The following LRRC4C variants were observed in gnomAD, a reference collection of about 807,000 sequenced individuals.
LRRC4C encodes the protein leucine-rich repeat-containing protein 4C.
Under a neutral mutation model 33.6 loss-of-function variants are expected in LRRC4C, and 5 were observed. That is an observed-to-expected ratio of 0.15 (90% confidence interval 0.08 to 0.31). The LOEUF (loss-of-function observed/expected upper bound fraction) is 0.31, where lower values mean the gene tolerates loss of function less well. Ranked by LOEUF, LRRC4C falls within the 10% of genes least tolerant of loss-of-function variation. LRRC4C has a pLI of 1.00. For synonymous variants in LRRC4C, 329 were observed against 302.0 expected, an observed-to-expected ratio of 1.09 and a Z score of -0.93; for missense variants, 560 against 796.7, an observed-to-expected ratio of 0.70 and a Z score of 3.58.
At chr11:40,205,092 A>G (rs1304262811) in intron 5 of LRRC4C, among the ~76,000 whole-genome samples, 1 of 152,200 alleles carries the variant, frequency 6.6e-6, no homozygotes, top group Non-Finnish European at 1.5e-5. Flanking sequence ...TCTCTGCTCC[A>G]GGTTAAACCT....
chr11:41,118,817 C>G lies in LRRC4C; in HGVS notation c.-495-185094G>C, dbSNP rs116588025. 8.8e-4 allele frequency among the ~76,000 whole-genome samples: 134 copies of G among 152,230 alleles called. 1 individual carries two copies. The highest frequency in any genetic ancestry group is 1.2e-3 in the Non-Finnish European group (84 of 68,010). ...CAATAAATAGCCCTGTGGAACTTATCACTCATTATAAGGATCACCATCAAG... is the reference window on the plus strand; with the variant it reads ...CAATAAATAGCCCTGTGGAACTTATGACTCATTATAAGGATCACCATCAAG... On this transcript the variant is annotated intron_variant, in intron 1 of 6. Coordinates refer to ENST00000528697, the MANE Select transcript of LRRC4C (RefSeq NM_001258419.2).
chr11:40,503,533 A>G (rs988233877), intron 3 of LRRC4C, among the ~76,000 whole-genome samples: 1 of 152,182 alleles, frequency 6.6e-6, no homozygotes, highest in Non-Finnish European at 1.5e-5. Flanking sequence ...ATTCTTAGAT[A>G]TTAAAAAGCC....
chr11:41,086,033 C>A (rs1441868347), intron 1 of LRRC4C, among the ~76,000 whole-genome samples: 25 of 151,086 alleles, frequency 1.7e-4, no homozygotes, highest in Admixed American at 1.6e-3. Context: ...CCTTTTGTAC[C>A]AAAAGTCCCA....
chr11:41,046,253 A>G lies in LRRC4C; in HGVS notation c.-495-112530T>C, dbSNP rs77325003. Reference sequence around the variant, plus strand: ...TCTATCATGTTTCTTCTTCACAGCCATTCCACAAGGTAAGTATCATTGCCT... The same window carrying G: ...TCTATCATGTTTCTTCTTCACAGCCGTTCCACAAGGTAAGTATCATTGCCT... On this transcript the variant is annotated intron_variant, in intron 1 of 6. Transcript: ENST00000528697. Among the ~76,000 whole-genome samples, 177 of 152,304 alleles carry G rather than the reference A, an allele frequency of 1.2e-3. 2 individuals are homozygous for G. The East Asian group carries it at 0.033, about 28-fold the overall frequency.
intron 1 of LRRC4C, among the ~76,000 whole-genome samples, chr11:41,015,975 C>T (rs1198335833): frequency 6.6e-6 from 1 of 152,026 alleles, no homozygotes; most frequent in Non-Finnish European, 1.5e-5. Context: ...GGGCGAGCTG[C>T]AGAGCGAGAC....
At chr11:41,325,187 G>A (rs1224352782) in intron 1 of LRRC4C, among the ~76,000 whole-genome samples, 1 of 152,116 alleles carries the variant, frequency 6.6e-6, no homozygotes, top group Non-Finnish European at 1.5e-5. Flanking sequence ...CTGGGTAAAA[G>A]TGAGGGAAGA....
At chr11:40,382,243 A>G (rs1404865027) in intron 3 of LRRC4C, among the ~76,000 whole-genome samples, 1 of 150,174 alleles carries the variant, frequency 6.7e-6, no homozygotes, top group Non-Finnish European at 1.5e-5. Context: ...GGGCCTCCCA[A>G]AGGGCTGGGA....
intron 3 of LRRC4C, among the ~76,000 whole-genome samples, chr11:40,443,146 T>A (rs1348772259): frequency 2.0e-5 from 3 of 152,144 alleles, no homozygotes; most frequent in Non-Finnish European, 4.4e-5. Context: ...CTGGCTGTAG[T>A]CTGTATTTTG....
chr11:40,293,782 C>T (rs1385019477), intron 4 of LRRC4C: 1 of 152,214 alleles, frequency 6.6e-6, no homozygotes, highest in Admixed American at 6.6e-5. Flanking sequence ...TGGCGCAGAC[C>T]TTCCCGATGT....
chr11:41,168,771 T>C (rs1027848104), intron 1 of LRRC4C, among the ~76,000 whole-genome samples: 1 of 152,198 alleles, frequency 6.6e-6, no homozygotes, highest in African/African-American at 2.4e-5. Context: ...AGTAAAAGCA[T>C]CATCAGAAGT....
At chr11:40,876,358 G>A (rs1179993083) in intron 2 of LRRC4C, among the ~76,000 whole-genome samples, 1 of 142,548 alleles carries the variant, frequency 7.0e-6, no homozygotes, top group African/African-American at 2.6e-5. Context: ...AGAAGATCCT[G>A]GCTCAGTCTC....
chr11:40,687,889 A>G (rs189702114), intron 2 of LRRC4C, among the ~76,000 whole-genome samples: 1 of 152,262 alleles, frequency 6.6e-6, no homozygotes, highest in African/African-American at 2.4e-5. Context: ...AACAATGAGA[A>G]CATCTTACTC....
intron 4 of LRRC4C, among the ~76,000 whole-genome samples, chr11:40,317,835 G>A (rs373342817): frequency 2.6e-5 from 4 of 152,096 alleles, no homozygotes; most frequent in African/African-American, 9.7e-5. Context: ...GAGGAAAGAT[G>A]AGAGAAACCA....
At chr11:40,453,544 G>A (rs189501872) in intron 3 of LRRC4C, among the ~76,000 whole-genome samples, 2 of 150,854 alleles carry the variant, frequency 1.3e-5, no homozygotes, top group South Asian at 4.2e-4. Flanking sequence ...AAACAAAAGA[G>A]AGGAGGACAT....
intron 3 of LRRC4C, among the ~76,000 whole-genome samples, chr11:40,639,181 C>T (rs1941958539): frequency 1.3e-5 from 2 of 151,662 alleles, no homozygotes; most frequent in African/African-American, 4.9e-5. Context: ...AAAAAACTCT[C>T]TAGTTTCCAT....
In LRRC4C at chr11:40,200,037, C is replaced by T. The variant is rs185454248; in HGVS notation, c.-96+41482G>A. On this transcript the variant is annotated intron_variant, in intron 5 of 6. Transcript: ENST00000528697. ...TCTGTGGCTGTCTCAGTGATCCCTG[C>T]TTGTCAATTAAAACTCTTAATACAA... Among the ~76,000 whole-genome samples, 11 of 152,050 alleles carry T rather than the reference C, an allele frequency of 7.2e-5. No homozygotes were observed. The East Asian group carries it at 2.1e-3, about 30-fold the overall frequency.
chr11:41,036,316 T>TGAAGGCAG (rs1857060946), intron 1 of LRRC4C, among the ~76,000 whole-genome samples: 1 of 152,166 alleles, frequency 6.6e-6, no homozygotes, highest in Non-Finnish European at 1.5e-5. Context: ...TTCAAGGCAT[T>TGAAGGCAG]ATAGCAGATA....
chr11:40,421,987 G>A (rs778020894), intron 3 of LRRC4C, among the ~76,000 whole-genome samples: 3 of 152,238 alleles, frequency 2.0e-5, no homozygotes, highest in Non-Finnish European at 1.5e-5. Flanking sequence ...CAAGCCCACT[G>A]TTTCAGTGAT....
At chr11:41,067,202 A>G (rs1283151368) in intron 1 of LRRC4C, among the ~76,000 whole-genome samples, 5 of 152,226 alleles carry the variant, frequency 3.3e-5, no homozygotes, top group Admixed American at 3.3e-4. Flanking sequence ...CATGGGCTCA[A>G]AAATAAAGGG....
Sources: allele counts gnomAD v4.1 joint callset (sites outside exome capture counted in the v4.1 genomes callset), GRCh38; gene constraint gnomAD v4.1.1; transcripts MANE v1.5; gene names NCBI Gene and HGNC (gene_info 2026-07-23, HGNC 2026-07-21).